The following TECRL variants were observed in gnomAD, a reference collection of about 807,000 sequenced individuals.
TECRL encodes the protein trans-2,3-enoyl-CoA reductase like.
Under a neutral mutation model 52.8 loss-of-function variants are expected in TECRL, and 63 were observed. The observed-to-expected ratio is 1.19, with a 90% CI of 0.97 to 1.47. The LOEUF is 1.47. TECRL is among the 40% of genes most tolerant of loss of function. TECRL has a pLI of 0.00. For synonymous variants in TECRL, 164 were observed against 141.9 expected, an observed-to-expected ratio of 1.16 and a Z score of -1.10; for missense variants, 482 against 429.6, an observed-to-expected ratio of 1.12 and a Z score of -1.08.
chr4:64,375,346 A>T (rs974885613), intron 1 of TECRL, 123 bp from the exon 2 acceptor site: 5 of 480,738 alleles, frequency 1.0e-5, no homozygotes, highest in African/African-American at 1.0e-4. Flanking sequence ...TGCTTCATTT[A>T]TCTTTTTAGT....
intron 1 of TECRL, among the ~76,000 whole-genome samples, chr4:64,386,004 C>T (rs1316663594): frequency 2.6e-5 from 4 of 152,130 alleles, no homozygotes; most frequent in African/African-American, 9.7e-5. Flanking sequence ...ATGCCCTATC[C>T]AACCTGTGAT....
intron 3 of TECRL, 116 bp from the exon 4 acceptor site, chr4:64,322,908 A>G (rs1209844070): frequency 1.4e-6 from 1 of 731,036 alleles, no homozygotes; most frequent in Non-Finnish European, 2.1e-6. Flanking sequence ...TGGAAATTAC[A>G]ATGTACAAGA....
At chr4:64,313,142 C>T (rs1717180105) in intron 5 of TECRL, among the ~76,000 whole-genome samples, 1 of 152,104 alleles carries the variant, frequency 6.6e-6, no homozygotes, top group South Asian at 2.1e-4. Flanking sequence ...GTCAGTGTGG[C>T]TGGAGTACTG....
Position 64,305,242 on chromosome 4 carries a change from CAAACA to C in TECRL, c.658-9_658-5del. 2 of 1,610,136 alleles carry C rather than the reference CAAACA, an allele frequency of 1.2e-6. No individual in the cohort carries two copies. Among genetic ancestry groups the C allele is most frequent in the Non-Finnish European group, 1.7e-6 (2 of 1,178,262 alleles). ...ATCCCCAGTAAAAGGCACAACTCTG[CAAACA>C]AAACAAAACAAAATAAAAGTTAGGA... On this transcript the variant is annotated splice_region_variant and splice_polypyrimidine_tract_variant and intron_variant, in intron 6 of 11. Transcript: ENST00000381210.
chr4:64,407,981 GA>G (rs1724838978), intron 1 of TECRL, among the ~76,000 whole-genome samples: 1 of 151,464 alleles, frequency 6.6e-6, no homozygotes, highest in Admixed American at 6.6e-5. Context: ...TAGAACTATA[GA>G]AAAAGCATAT....
chr4:64,322,450 CT>C (rs1378360395), intron 4 of TECRL, among the ~76,000 whole-genome samples: 2 of 109,958 alleles, frequency 1.8e-5, no homozygotes, highest in South Asian at 5.9e-4. Context: ...AGTGGGTTGA[CT>C]TTAAAAAAAA....
intron 2 of TECRL, among the ~76,000 whole-genome samples, chr4:64,374,518 G>A (rs1019899120): frequency 8.6e-5 from 13 of 151,654 alleles, no homozygotes; most frequent in Admixed American, 5.3e-4. Context: ...CCATTAACCC[G>A]TCATTTAGAA....
chr4:64,351,298 T>TA (rs1720372286), intron 2 of TECRL, among the ~76,000 whole-genome samples: 1 of 151,366 alleles, frequency 6.6e-6, no homozygotes, highest in African/African-American at 2.4e-5. Flanking sequence ...AGGGAACTTT[T>TA]TTTTTGGCAG....
chr4:64,294,009 C>G (rs1035747635), intron 8 of TECRL, among the ~76,000 whole-genome samples: 1 of 149,864 alleles, frequency 6.7e-6, no homozygotes, highest in African/African-American at 2.5e-5. Context: ...TTTTTGGAGA[C>G]GGAATCTTGC....
chr4:64,382,362 C>G (rs1722880719), intron 1 of TECRL, among the ~76,000 whole-genome samples: 1 of 146,462 alleles, frequency 6.8e-6, no homozygotes, highest in Non-Finnish European at 1.5e-5. Context: ...CACACTTACA[C>G]ACACATACAC....
At chr4:64,387,975 T>G (rs1723292842) in intron 1 of TECRL, among the ~76,000 whole-genome samples, 1 of 151,848 alleles carries the variant, frequency 6.6e-6, no homozygotes, top group African/African-American at 2.4e-5. Context: ...TCTTGTCTTT[T>G]TATTTTCTTG....
chr4:64,283,655 T>A (rs1333031676), intron 9 of TECRL, among the ~76,000 whole-genome samples: 1 of 152,010 alleles, frequency 6.6e-6, no homozygotes, highest in Non-Finnish European at 1.5e-5. Flanking sequence ...GCAAAGAGGC[T>A]CGAAGAGGGC....
intron 9 of TECRL, among the ~76,000 whole-genome samples, chr4:64,288,914 A>T (rs777219839): frequency 6.6e-6 from 1 of 152,212 alleles, no homozygotes; most frequent in Non-Finnish European, 1.5e-5. Flanking sequence ...GAATTGGATT[A>T]CAAAGTTTTG....
intron 1 of TECRL, among the ~76,000 whole-genome samples, chr4:64,402,714 A>G (rs1007016975): frequency 2.0e-5 from 3 of 152,134 alleles, no homozygotes; most frequent in African/African-American, 7.2e-5. Context: ...ATGTAGTAAT[A>G]GAGAAGAGCT....
intron 9 of TECRL, among the ~76,000 whole-genome samples, chr4:64,286,115 C>T (rs999380904): frequency 4.6e-5 from 7 of 151,790 alleles, no homozygotes; most frequent in African/African-American, 1.7e-4. Flanking sequence ...TTTTCATTTG[C>T]AGACAAAAAC....
chr4:64,382,215 AT>A (rs1560545369), intron 1 of TECRL, among the ~76,000 whole-genome samples: 52 of 3,240 alleles, frequency 0.016, no homozygotes, highest in African/African-American at 0.017. Flanking sequence ...ATATATATAT[AT>A]ATATATATAT....
chr4:64,339,849 T>C (rs979053421), intron 2 of TECRL, among the ~76,000 whole-genome samples: 2 of 152,194 alleles, frequency 1.3e-5, no homozygotes, highest in Non-Finnish European at 2.9e-5. Flanking sequence ...CAAGAATTAT[T>C]CTACTATTTT....
rs558645235 is a variant in TECRL at position 64,320,764 on chromosome 4, C to T, written c.435+1925G>A. Among the ~76,000 whole-genome samples, 10 of 152,180 alleles carry T rather than the reference C, an allele frequency of 6.6e-5. No homozygotes were observed. The South Asian group carries it at 2.1e-3, about 32-fold the overall frequency. On this transcript the variant is annotated intron_variant, in intron 4 of 11. Coordinates refer to ENST00000381210, the MANE Select transcript of TECRL (RefSeq NM_001010874.5). ...AATATTTTAACCTTTGAAGACCAAA[C>T]ACTCTTTTCTAAAATCTCTTTAAGC...
intron 2 of TECRL, among the ~76,000 whole-genome samples, chr4:64,338,200 A>T (rs1441188321): frequency 6.6e-6 from 1 of 152,218 alleles, no homozygotes; most frequent in Non-Finnish European, 1.5e-5. Flanking sequence ...CCTATTTAAC[A>T]AATGGTGCTG....
Sources: allele counts gnomAD v4.1 joint callset (sites outside exome capture counted in the v4.1 genomes callset), GRCh38; gene constraint gnomAD v4.1.1; transcripts MANE v1.5; gene names NCBI Gene and HGNC (gene_info 2026-07-23, HGNC 2026-07-21).